DGKG: variants seen among roughly 807,000 people sequenced by gnomAD.
DGKG encodes the protein DAG kinase gamma.
A neutral mutation model predicts 105.3 loss-of-function variants in DGKG; 78 were observed. The ratio of observed to expected loss-of-function variants is 0.74; its 90% CI spans 0.62 to 0.89. DGKG has a LOEUF of 0.89. DGKG is among the 40% of genes least tolerant of loss of function. The probability of loss-of-function intolerance (pLI) is 0.00; values close to 1 mark genes in which losing one functional copy is unlikely to be tolerated. For synonymous variants in DGKG, 346 were observed against 367.1 expected (o/e 0.94, Z 0.66); for missense variants, 958 against 1,020.1 (o/e 0.94, Z 0.83).
chr3:186,254,120 G>A (rs928638351), intron 17 of DGKG, among the ~76,000 whole-genome samples: 3 of 152,198 alleles, frequency 2.0e-5, no homozygotes, highest in Admixed American at 6.5e-5. Flanking sequence ...GGCTGGGAGA[G>A]CTGAAGAGGG....
At chr3:186,326,118 G>A (rs974986738) in intron 1 of DGKG, among the ~76,000 whole-genome samples, 1 of 152,150 alleles carries the variant, frequency 6.6e-6, no homozygotes, top group African/African-American at 2.4e-5. Flanking sequence ...TGTGCTGGGC[G>A]TGGTGGCTCA....
chr3:186,314,753 CA>C (rs1161706511), intron 2 of DGKG, among the ~76,000 whole-genome samples: 3,779 of 62,648 alleles, frequency 0.06, 56 homozygotes, highest in African/African-American at 0.13. Flanking sequence ...GACTCCGTCT[CA>C]AAAAAAAAAA....
intron 19 of DGKG, among the ~76,000 whole-genome samples, chr3:186,249,654 C>T (rs1721112782): frequency 6.6e-6 from 1 of 152,118 alleles, no homozygotes. Flanking sequence ...CCAGCCTGGC[C>T]AATGTGGTGA....
In DGKG at chr3:186,148,497, A is replaced by C; in HGVS notation, c.*1593T>G. The C allele has an allele frequency of 1.0e-6, 1 of 985,454 alleles. No individual in the cohort carries two copies. Among genetic ancestry groups the C allele is most frequent in the Non-Finnish European group, 1.2e-6 (1 of 829,952 alleles). 61.0% of individuals were successfully genotyped at this position (985,454 alleles called of 1,614,324 possible). ...TTGTGTGGGGATATCCCATCCACGCATGTGCTGTACGTTTGTTCCTCCCTG... is the reference window on the plus strand; with the variant it reads ...TTGTGTGGGGATATCCCATCCACGCCTGTGCTGTACGTTTGTTCCTCCCTG... On this transcript the variant is annotated 3_prime_UTR_variant, in exon 25 of 25. Transcript: ENST00000265022.
Position 186,210,992 on chromosome 3 carries a change from G to A in DGKG, c.1917+803C>T, listed in dbSNP as rs192473090. 6.6e-5 allele frequency among the ~76,000 whole-genome samples: 10 copies of A among 152,230 alleles called. No individual in the cohort carries two copies. Among genetic ancestry groups the A allele is most frequent in the South Asian group, 2.1e-4 (1 of 4,820 alleles). On this transcript the variant is annotated intron_variant, in intron 21 of 24. Coordinates refer to ENST00000265022, the MANE Select transcript of DGKG (RefSeq NM_001346.3). This position sits in a 1 kb window ranked among gnomAD's most constrained non-coding sequence, Gnocchi z 5.2. ...CATGGCAATCAATGAGAGGGCTTCCGGAGCGAAGCCCAGCCAACGTGGGGT... is the reference window on the plus strand; with the variant it reads ...CATGGCAATCAATGAGAGGGCTTCCAGAGCGAAGCCCAGCCAACGTGGGGT...
chr3:186,239,443 C>T (rs1428015768), intron 20 of DGKG, among the ~76,000 whole-genome samples: 2 of 152,204 alleles, frequency 1.3e-5, no homozygotes, highest in Non-Finnish European at 2.9e-5. Context: ...CTAAGTTTAG[C>T]CGCTGGTGTA....
intron 21 of DGKG, among the ~76,000 whole-genome samples, chr3:186,192,101 G>A (rs906787956): frequency 2.0e-5 from 3 of 152,108 alleles, no homozygotes; most frequent in Non-Finnish European, 4.4e-5. Flanking sequence ...TCTGCCTCCC[G>A]GGTTCAAGTC....
intron 19 of DGKG, among the ~76,000 whole-genome samples, chr3:186,251,356 C>T (rs886354866): frequency 1.3e-5 from 2 of 152,110 alleles, no homozygotes; most frequent in African/African-American, 4.8e-5. Context: ...AACTTGGGAC[C>T]ACATGGTCTT....
At chr3:186,258,221 A>C (rs953202999) in intron 16 of DGKG, among the ~76,000 whole-genome samples, 1 of 152,222 alleles carries the variant, frequency 6.6e-6, no homozygotes, top group African/African-American at 2.4e-5. Context: ...AGTTACGCAG[A>C]GGAGTCCAGA....
intron 9 of DGKG, among the ~76,000 whole-genome samples, chr3:186,276,600 C>T (rs1292776988): frequency 6.6e-6 from 1 of 152,198 alleles, no homozygotes; most frequent in Non-Finnish European, 1.5e-5. Flanking sequence ...AGACCATCAC[C>T]TCCTGACTTT....
chr3:186,319,456 A>C (rs1375973826), intron 2 of DGKG, among the ~76,000 whole-genome samples: 1 of 152,080 alleles, frequency 6.6e-6, no homozygotes, highest in African/African-American at 2.4e-5. Context: ...GAGAAGGGGG[A>C]CCTGTGCAAG....
At chr3:186,194,420 C>A (rs1226430766) in intron 21 of DGKG, among the ~76,000 whole-genome samples, 4 of 152,250 alleles carry the variant, frequency 2.6e-5, no homozygotes, top group African/African-American at 9.6e-5. Flanking sequence ...TGCGCCGTGA[C>A]CTCAAAAGGG....
chr3:186,149,212 T>A lies in DGKG; in HGVS notation c.*878A>T. On this transcript the variant is annotated 3_prime_UTR_variant, in exon 25 of 25. Coordinates refer to ENST00000265022, the MANE Select transcript of DGKG (RefSeq NM_001346.3). ...CTCAAACAGGAAACACGCTTTGGCT[T>A]GAAAAAGAAAGAAGCTGGGGGTGGT... 1 of 984,322 alleles carries A rather than the reference T, an allele frequency of 1.0e-6. No individual in the cohort carries two copies. The highest frequency in any genetic ancestry group is 1.2e-6 in the Non-Finnish European group (1 of 829,642). 61.0% of individuals were successfully genotyped at this position (984,322 alleles called of 1,614,324 possible).
intron 5 of DGKG, among the ~76,000 whole-genome samples, chr3:186,292,403 C>G (rs978289359): frequency 1.3e-5 from 2 of 152,210 alleles, no homozygotes; most frequent in African/African-American, 4.8e-5. Context: ...GTTTTCTCAT[C>G]TGTTTAAAGA....
rs562251825 is a variant in DGKG, at chr3:186,176,374, T to TCAA, written c.2096-11359_2096-11357dup. ...CTGCACTGGCCAAACTTATCACAGC[T>TCAA]CAACAGGCTGCCTACAGCACCTACT... On this transcript the variant is annotated intron_variant, in intron 22 of 24. Transcript: ENST00000265022. 1.9e-3 allele frequency among the ~76,000 whole-genome samples: 283 copies of TCAA among 152,248 alleles called. 11 individuals carry two copies. The South Asian group carries it at 0.055, about 30-fold the overall frequency.
chr3:186,201,390 T>C (rs1718453034), intron 21 of DGKG, among the ~76,000 whole-genome samples: 1 of 152,096 alleles, frequency 6.6e-6, no homozygotes, highest in Admixed American at 6.5e-5. Context: ...CTTTCTGCCC[T>C]GCAGGGTGAC....
At chr3:186,323,080 C>T (rs976133126) in intron 1 of DGKG, among the ~76,000 whole-genome samples, 1 of 152,178 alleles carries the variant, frequency 6.6e-6, no homozygotes, top group Non-Finnish European at 1.5e-5. Context: ...TTGTTCTCCT[C>T]CCCTTGGTCT....
At chr3:186,320,797 T>C in intron 1 of DGKG, 90 bp from the exon 2 acceptor site, 1 of 233,216 alleles carries the variant, frequency 4.3e-6, no homozygotes, top group Non-Finnish European at 8.3e-6. Flanking sequence ...CAGGGGACAA[T>C]TGTTCAATGG....
chr3:186,356,307 A>G (rs1726953333), intron 1 of DGKG, among the ~76,000 whole-genome samples: 2 of 152,166 alleles, frequency 1.3e-5, no homozygotes, highest in African/African-American at 4.8e-5. Context: ...CGGTAAATAC[A>G]CTGGATGCTA....
Sources: allele counts gnomAD v4.1 joint callset (sites outside exome capture counted in the v4.1 genomes callset), GRCh38; gene constraint gnomAD v4.1.1; non-coding constraint Gnocchi (gnomAD v3.1); transcripts MANE v1.5; gene names NCBI Gene and HGNC (gene_info 2026-07-23, HGNC 2026-07-21).